GLIPR2: variants seen among roughly 807,000 people sequenced by gnomAD.
GLIPR2 encodes the protein GLI pathogenesis related 2.
Under a neutral mutation model 20.4 loss-of-function variants are expected in GLIPR2, and 21 were observed. That is an observed-to-expected ratio of 1.03 (90% CI 0.73 to 1.48). The LOEUF (loss-of-function observed/expected upper bound fraction) is 1.48. GLIPR2 is among the 40% of genes most tolerant of loss of function. The pLI is 0.00. For missense variants in GLIPR2, 205 were observed against 200.1 expected (o/e 1.02, Z -0.15); for synonymous variants, 91 against 80.5 (o/e 1.13, Z -0.70).
At chr9:36,160,286 GTGCTGGCAT>G (rs1554647132) in intron 4 of GLIPR2, among the ~76,000 whole-genome samples, 1 of 152,184 alleles carries the variant, frequency 6.6e-6, no homozygotes, top group Non-Finnish European at 1.5e-5. Flanking sequence ...GCCTCTCGAA[GTGCTGGCAT>G]TGCAGGCGTG....
intron 3 of GLIPR2, among the ~76,000 whole-genome samples, chr9:36,149,122 A>C (rs1397063295): frequency 2.0e-5 from 3 of 152,182 alleles, no homozygotes; most frequent in Non-Finnish European, 4.4e-5. Context: ...AGCTTTTTCC[A>C]TTTTGGAAAA....
At chr9:36,162,128 T>A in intron 4 of GLIPR2, 1 of 941,062 alleles carries the variant, frequency 1.1e-6, no homozygotes, top group Non-Finnish European at 1.5e-6. Context: ...TGAGCCAAGA[T>A]CATGCCACTG....
chr9:36,161,638 A>G (rs1826056710), intron 4 of GLIPR2, among the ~76,000 whole-genome samples: 2 of 152,072 alleles, frequency 1.3e-5, no homozygotes, highest in South Asian at 4.1e-4. Context: ...CTAGAAACCA[A>G]AAGGGGGAGG....
chr9:36,155,889 A>C (rs1825807315), intron 4 of GLIPR2, among the ~76,000 whole-genome samples: 1 of 152,100 alleles, frequency 6.6e-6, no homozygotes, highest in Non-Finnish European at 1.5e-5. Flanking sequence ...CCTGGACAAC[A>C]TGGCAAGACC....
In GLIPR2 at chr9:36,145,682, G is replaced by GGGAGGATGTTGGATGGATGGAT. The variant is rs1225916308; in HGVS notation, c.14-2084_14-2063dup. 4.6e-5 allele frequency among the ~76,000 whole-genome samples: 7 copies of GGGAGGATGTTGGATGGATGGAT among 152,222 alleles called. No homozygotes were observed. The East Asian group carries it at 5.8e-4, about 13-fold the overall frequency. On this transcript the variant is annotated intron_variant, in intron 1 of 4. Coordinates refer to ENST00000377960, the MANE Select transcript of GLIPR2 (RefSeq NM_022343.4). ...TTAGGTGGATGGGTGGGTAGATGGAGGGAGGATGTTGGATGGATGGATGGA... is the reference window on the plus strand; with the variant it reads ...TTAGGTGGATGGGTGGGTAGATGGAGGGAGGATGTTGGATGGATGGATGGAGGATGTTGGATGGATGGATGGA...
chr9:36,151,909 G>A (rs770187733), intron 4 of GLIPR2, among the ~76,000 whole-genome samples: 2 of 152,092 alleles, frequency 1.3e-5, no homozygotes. Flanking sequence ...ACAGAAAAAG[G>A]GACTCTCTGC....
At chr9:36,138,382 G>T (rs887242784) in intron 1 of GLIPR2, among the ~76,000 whole-genome samples, 1 of 151,976 alleles carries the variant, frequency 6.6e-6, no homozygotes, top group Non-Finnish European at 1.5e-5. Context: ...GCGCCACCAC[G>T]CCCAGCTAAC....
chr9:36,148,671 C>T, intron 3 of GLIPR2, 21 bp downstream of exon 3: 1 of 1,515,572 alleles, frequency 6.6e-7, no homozygotes, highest in Non-Finnish European at 9.1e-7. Flanking sequence ...TTTTCAGCTC[C>T]TCTCCTCTCT....
At chr9:36,162,194 C>A in intron 4 of GLIPR2, 168 bp from the exon 5 acceptor site, 1 of 1,504,714 alleles carries the variant, frequency 6.6e-7, no homozygotes, top group Non-Finnish European at 8.8e-7. Context: ...AAAAAGAAGT[C>A]AGGCAGTCAG....
chr9:36,151,029 C>T lies in GLIPR2; in HGVS notation c.304+80C>T, dbSNP rs568366632. The T allele has an allele frequency of 3.1e-4, 289 of 925,218 alleles. 1 individual carries two copies. The highest frequency in any genetic ancestry group is 7.2e-4 in the Admixed American group (38 of 53,052). The allele number at this position is 925,218 out of a possible 1,614,324, so 57.3% of individuals were successfully genotyped here. On this transcript the variant is annotated intron_variant, in intron 4 of 4. Transcript: ENST00000377960. Reference sequence around the variant, plus strand: ...TGTCTGACTTCAGGGAGGAACCAGCCCTCTAAAAAAATCAATCCTTTCCTT... The same window carrying T: ...TGTCTGACTTCAGGGAGGAACCAGCTCTCTAAAAAAATCAATCCTTTCCTT...
intron 1 of GLIPR2, among the ~76,000 whole-genome samples, chr9:36,146,715 T>A (rs1306176906): frequency 6.6e-6 from 1 of 152,198 alleles, no homozygotes; most frequent in Non-Finnish European, 1.5e-5. Flanking sequence ...CATTCAATCT[T>A]AAGGCTGGAG....
chr9:36,160,619 G>T (rs1044357698), intron 4 of GLIPR2, among the ~76,000 whole-genome samples: 1 of 152,100 alleles, frequency 6.6e-6, no homozygotes, highest in Non-Finnish European at 1.5e-5. Flanking sequence ...ACATACTCTG[G>T]TGTGTTCAAG....
rs1490640684 is a variant in GLIPR2, at chr9:36,162,931, C to A, written c.*409C>A. On this transcript the variant is annotated 3_prime_UTR_variant, in exon 5 of 5. Transcript: ENST00000377960. ...TGTGATCTTCATGCGTCGTAATCTA[C>A]TTTTGGTAGATAATTAAGATTATTA... 2 of 455,276 alleles carry A rather than the reference C, an allele frequency of 4.4e-6. No homozygotes were observed. The highest frequency in any genetic ancestry group is 8.8e-6 in the Non-Finnish European group (2 of 227,470). The allele number at this position is 455,276 out of a possible 1,614,324, so 28.2% of individuals were successfully genotyped here.
chr9:36,149,578 A>G (rs1454869231), intron 3 of GLIPR2, among the ~76,000 whole-genome samples: 1 of 152,140 alleles, frequency 6.6e-6, no homozygotes, highest in African/African-American at 2.4e-5. Context: ...GACATGGTCC[A>G]TTCCAGCCTC....
At chr9:36,152,752 A>G (rs1438784484) in intron 4 of GLIPR2, among the ~76,000 whole-genome samples, 3 of 40,778 alleles carry the variant, frequency 7.4e-5, no homozygotes, top group Non-Finnish European at 2.0e-4. Flanking sequence ...CTCTGTCTCA[A>G]AAAAAAAAAA....
chr9:36,155,830 T>A (rs1825804588), intron 4 of GLIPR2, among the ~76,000 whole-genome samples: 1 of 151,988 alleles, frequency 6.6e-6, no homozygotes, highest in East Asian at 1.9e-4. Context: ...CTCCAGTACT[T>A]TGGGAGGCCA....
intron 4 of GLIPR2, among the ~76,000 whole-genome samples, chr9:36,159,111 A>G (rs1825952839): frequency 6.6e-6 from 1 of 152,234 alleles, no homozygotes; most frequent in Non-Finnish European, 1.5e-5. Context: ...GCATTACAGC[A>G]TCAACTCTTT....
chr9:36,143,260 C>A lies in GLIPR2; in HGVS notation c.14-4526C>A, dbSNP rs142675745. On this transcript the variant is annotated intron_variant, in intron 1 of 4. Transcript: ENST00000377960. ...AAGCCACCTACTCCTCTGTCTCCCCCTCCTCTTCAGAGCCCCAGGATACAC... is the reference window on the plus strand; with the variant it reads ...AAGCCACCTACTCCTCTGTCTCCCCATCCTCTTCAGAGCCCCAGGATACAC... 4.6e-5 allele frequency among the ~76,000 whole-genome samples: 7 copies of A among 152,272 alleles called. No homozygotes were observed. In the East Asian group the frequency reaches 7.7e-4, roughly 17 times the overall value.
chr9:36,140,684 A>G (rs1362862752), intron 1 of GLIPR2, among the ~76,000 whole-genome samples: 1 of 152,162 alleles, frequency 6.6e-6, no homozygotes, highest in Non-Finnish European at 1.5e-5. Context: ...CATTCTTGCC[A>G]TTTGGAAAAG....
Sources: gnomAD v4.1 joint callset for allele counts (sites outside exome capture counted in the v4.1 genomes callset) on GRCh38, gnomAD v4.1.1 for gene constraint, MANE v1.5 for transcripts, NCBI Gene and HGNC (gene_info 2026-07-23, HGNC 2026-07-21) for gene names.